Variants in BTAF1 observed in about 807,000 individuals in gnomAD.
The protein encoded by BTAF1 is B-TFIID TATA-box binding protein associated factor 1.
A neutral mutation model predicts 227.1 loss-of-function variants in BTAF1; 38 were observed. The ratio of observed to expected loss-of-function variants is 0.17; its 90% CI spans 0.13 to 0.22. The LOEUF is 0.22. BTAF1 is among the 10% of genes least tolerant of loss of function. The pLI is 1.00. For synonymous variants in BTAF1, 742 were observed against 751.9 expected (o/e 0.99, Z 0.21); for missense variants, 1,598 against 2,204.0 (o/e 0.73, Z 5.51).
intron 34 of BTAF1, among the ~76,000 whole-genome samples, chr10:92,019,799 T>A (rs892160637): frequency 6.6e-6 from 1 of 152,206 alleles, no homozygotes; most frequent in African/African-American, 2.4e-5. Flanking sequence ...TTTCCATATC[T>A]TCTTTAGAAA....
chr10:92,029,154 C>T lies in BTAF1; in HGVS notation c.*221C>T. ...TTAATGTGAAATGGTTTAAATTTTA[C>T]ATGCTGAAAAGCTGCAGAGCAGAGG... On this transcript the variant is annotated 3_prime_UTR_variant, in exon 38 of 38. Coordinates refer to ENST00000265990, the MANE Select transcript of BTAF1 (RefSeq NM_003972.3). 2.4e-6 allele frequency: 1 copy of T among 416,680 alleles called. No homozygotes were observed. Among genetic ancestry groups the T allele is most frequent in the Non-Finnish European group, 4.0e-6 (1 of 248,016 alleles). 25.8% of individuals were successfully genotyped at this position (416,680 alleles called of 1,614,324 possible).
intron 34 of BTAF1, among the ~76,000 whole-genome samples, chr10:92,021,615 C>T (rs748998098): frequency 1.8e-4 from 27 of 151,758 alleles, no homozygotes; most frequent in Non-Finnish European, 4.0e-4. Flanking sequence ...GATCTTGGCT[C>T]ACTGCAAGCT....
intron 26 of BTAF1, among the ~76,000 whole-genome samples, chr10:92,008,600 T>G (rs1327965487): frequency 1.3e-5 from 2 of 151,858 alleles, no homozygotes; most frequent in Non-Finnish European, 2.9e-5. Flanking sequence ...CCTCCCACCT[T>G]GGCCCCCCAA....
At chr10:91,944,973 CAGGTTTGT>C (rs1845263168) in intron 4 of BTAF1, among the ~76,000 whole-genome samples, 1 of 152,176 alleles carries the variant, frequency 6.6e-6, no homozygotes, top group Non-Finnish European at 1.5e-5. Context: ...ACATGCTATA[CAGGTTTGT>C]AGCCTAGGAG....
chr10:91,954,084 A>G (rs1845934410), intron 6 of BTAF1, among the ~76,000 whole-genome samples: 1 of 152,122 alleles, frequency 6.6e-6, no homozygotes, highest in Admixed American at 6.5e-5. Flanking sequence ...TTTTCCTACT[A>G]ATTATCAGTT....
intron 34 of BTAF1, among the ~76,000 whole-genome samples, chr10:92,019,376 G>C (rs909685217): frequency 4.6e-5 from 7 of 152,162 alleles, no homozygotes; most frequent in African/African-American, 1.7e-4. Context: ...TCAGTTTTAT[G>C]GATATAGCAC....
At chr10:91,963,487 C>G (rs1589822532) in intron 12 of BTAF1, among the ~76,000 whole-genome samples, 1 of 151,936 alleles carries the variant, frequency 6.6e-6, no homozygotes, top group Non-Finnish European at 1.5e-5. Context: ...AGGCTGGTCT[C>G]AAACTCCTAA....
At chr10:91,959,684 T>C in intron 9 of BTAF1, 101 bp from the exon 10 acceptor site, 1 of 493,418 alleles carries the variant, frequency 2.0e-6, no homozygotes, top group Middle Eastern at 7.2e-4. Flanking sequence ...GTACAAAGTA[T>C]GATCTTTGTT....
intron 4 of BTAF1, among the ~76,000 whole-genome samples, chr10:91,946,809 T>C (rs987216101): frequency 6.6e-6 from 1 of 152,030 alleles, no homozygotes; most frequent in South Asian, 2.1e-4. Context: ...TTACCAGATA[T>C]GTGATTTATG....
intron 8 of BTAF1, among the ~76,000 whole-genome samples, chr10:91,957,699 TC>T (rs1846198658): frequency 6.6e-6 from 1 of 152,208 alleles, no homozygotes; most frequent in Non-Finnish European, 1.5e-5. Flanking sequence ...AGAGTGAAGT[TC>T]CTCTGCTTGA....
Position 91,997,755 on chromosome 10 carries a change from A to C in BTAF1, c.3660+4A>C, listed in dbSNP as rs1481466763. On this transcript the variant is annotated splice_donor_region_variant and intron_variant, in intron 25 of 37. Transcript: ENST00000265990. Reference sequence around the variant, plus strand: ...AATTAGACTCATGCCACTTGAGGTAAGTCAAAGATACTTGCTTTAAAGACA... The same window carrying C: ...AATTAGACTCATGCCACTTGAGGTACGTCAAAGATACTTGCTTTAAAGACA... 1 of 1,612,246 alleles carries C rather than the reference A, an allele frequency of 6.2e-7. No homozygotes were observed. The highest frequency in any genetic ancestry group is 8.5e-7 in the Non-Finnish European group (1 of 1,179,826).
Position 91,923,892 on chromosome 10 carries a change from C to G in BTAF1, c.-185C>G, listed in dbSNP as rs1245279734. 3.2e-6 allele frequency: 2 copies of G among 624,016 alleles called. No homozygotes were observed. Among genetic ancestry groups the G allele is most frequent in the African/African-American group, 3.9e-5 (2 of 51,380 alleles). 38.7% of individuals were successfully genotyped at this position (624,016 alleles called of 1,614,324 possible). A position where few individuals can be genotyped will look rare whatever the true frequency, so the allele number is the denominator to read the frequency against. Reference sequence around the variant, plus strand: ...TTGGACCCCTGCTTACCGGCCGCCGCGGGGACGAGCTCGGGTAGGCGGCAG... The same window carrying G: ...TTGGACCCCTGCTTACCGGCCGCCGGGGGGACGAGCTCGGGTAGGCGGCAG... On this transcript the variant is annotated 5_prime_UTR_variant, in exon 1 of 38. Transcript: ENST00000265990.
Position 92,029,971 on chromosome 10 carries a change from A to G in BTAF1, c.*1038A>G, listed in dbSNP as rs555876086. 6.5e-6 allele frequency: 1 copy of G among 152,692 alleles called. No individual in the cohort carries two copies. Among genetic ancestry groups the G allele is most frequent in the Admixed American group, 6.5e-5 (1 of 15,296 alleles). 9.5% of individuals were successfully genotyped at this position (152,692 alleles called of 1,614,324 possible). On this transcript the variant is annotated 3_prime_UTR_variant, in exon 38 of 38. Coordinates refer to ENST00000265990, the MANE Select transcript of BTAF1 (RefSeq NM_003972.3). The stretch of plus-strand genomic sequence containing the variant: ...AATTGGGCATGAGGCTGATTACTCA[A>G]TGGTGAGGGTAGGTATATGTAGATA...
In BTAF1 at chr10:91,985,377, G is replaced by C. The variant is rs11814808; in HGVS notation, c.2427+973G>C. On this transcript the variant is annotated intron_variant, in intron 19 of 37. Coordinates refer to ENST00000265990, the MANE Select transcript of BTAF1 (RefSeq NM_003972.3). The stretch of plus-strand genomic sequence containing the variant: ...TATTATTATACCACAACTAGTTTAA[G>C]CCATTCTCCCGTTTATGGACACTTT... Among the ~76,000 whole-genome samples, 841 of 151,962 alleles carry C rather than the reference G, an allele frequency of 5.5e-3. 11 individuals carry two copies. The highest frequency in any genetic ancestry group is 0.019 in the African/African-American group (804 of 41,436).
chr10:91,934,917 A>G (rs1844502064), intron 1 of BTAF1, among the ~76,000 whole-genome samples: 1 of 152,124 alleles, frequency 6.6e-6, no homozygotes, highest in Non-Finnish European at 1.5e-5. Context: ...AGTATTACAT[A>G]GTTGGGGATA....
chr10:91,977,678 A>G (rs898872309), intron 14 of BTAF1, among the ~76,000 whole-genome samples: 2 of 152,162 alleles, frequency 1.3e-5, no homozygotes, highest in East Asian at 1.9e-4. Flanking sequence ...TTGCATTTCT[A>G]CCAGCAATGA....
At chr10:91,967,691 C>T (rs1847019325) in intron 14 of BTAF1, among the ~76,000 whole-genome samples, 1 of 152,186 alleles carries the variant, frequency 6.6e-6, no homozygotes, top group Admixed American at 6.5e-5. Flanking sequence ...GTTTGTTTTA[C>T]AGTTCTCAGT....
In BTAF1 at chr10:92,029,009, T is replaced by G; in HGVS notation, c.*76T>G. 1 of 1,381,972 alleles carries G rather than the reference T, an allele frequency of 7.2e-7. No homozygotes were observed. Among genetic ancestry groups the G allele is most frequent in the Non-Finnish European group, 9.8e-7 (1 of 1,020,070 alleles). The allele number at this position is 1,381,972 out of a possible 1,614,324, so 85.6% of individuals were successfully genotyped here. On this transcript the variant is annotated 3_prime_UTR_variant, in exon 38 of 38. Coordinates refer to ENST00000265990, the MANE Select transcript of BTAF1 (RefSeq NM_003972.3). The stretch of plus-strand genomic sequence containing the variant: ...GATATTCAGCAAATTTCTAAGTTTA[T>G]GGTGAACTTTTAACTCAATGTGTAA...
chr10:92,014,681 G>T (rs1850583201), intron 32 of BTAF1, among the ~76,000 whole-genome samples: 1 of 152,062 alleles, frequency 6.6e-6, no homozygotes, highest in African/African-American at 2.4e-5. Context: ...CCCCATTTTT[G>T]CAAATAAAGT....
Sources: gnomAD v4.1 joint callset for allele counts (sites outside exome capture counted in the v4.1 genomes callset) on GRCh38, gnomAD v4.1.1 for gene constraint, MANE v1.5 for transcripts, NCBI Gene and HGNC (gene_info 2026-07-23, HGNC 2026-07-21) for gene names.